CADPS: variants seen among roughly 807,000 people sequenced by gnomAD.
The protein encoded by CADPS is calcium dependent secretion activator.
Under a neutral mutation model 167.3 loss-of-function variants are expected in CADPS, and 57 were observed. The ratio of observed to expected loss-of-function variants is 0.34; its 90% CI spans 0.28 to 0.42. The LOEUF (loss-of-function observed/expected upper bound fraction) is 0.42. Ranked by LOEUF, CADPS falls within the 20% of genes least tolerant of loss-of-function variation. The pLI is 1.00. For missense variants in CADPS, 1,414 were observed against 1,738.1 expected (o/e 0.81, Z 3.32); for synonymous variants, 676 against 635.3 (o/e 1.06, Z -0.96).
chr3:62,827,786 A>G (rs1007757303), intron 1 of CADPS, among the ~76,000 whole-genome samples: 1 of 152,112 alleles, frequency 6.6e-6, no homozygotes, highest in Admixed American at 6.5e-5. Flanking sequence ...GAGATTACAG[A>G]TCTGTACAGT....
intron 28 of CADPS, among the ~76,000 whole-genome samples, chr3:62,431,022 G>A (rs1575922475): frequency 6.6e-6 from 1 of 152,104 alleles, no homozygotes; most frequent in African/African-American, 2.4e-5. Context: ...TAGTAGCCTG[G>A]CTGACATGCT....
At chr3:62,654,893 G>C (rs1292987525) in intron 4 of CADPS, among the ~76,000 whole-genome samples, 1 of 152,162 alleles carries the variant, frequency 6.6e-6, no homozygotes, top group Non-Finnish European at 1.5e-5. Context: ...TCAATTTTGA[G>C]AGACTGTCTT....
chr3:62,827,286 C>T (rs2074239023), intron 1 of CADPS, among the ~76,000 whole-genome samples: 1 of 152,156 alleles, frequency 6.6e-6, no homozygotes, highest in African/African-American at 2.4e-5. Context: ...GGCCACTTTT[C>T]AAGCAAAAGT....
chr3:62,532,444 G>A (rs1016513191), intron 13 of CADPS, among the ~76,000 whole-genome samples: 1 of 152,038 alleles, frequency 6.6e-6, no homozygotes, highest in African/African-American at 2.4e-5. Context: ...AAAAACAAAG[G>A]CAAATATTTA....
intron 18 of CADPS, among the ~76,000 whole-genome samples, chr3:62,495,957 T>C (rs891893494): frequency 6.6e-6 from 1 of 152,164 alleles, no homozygotes; most frequent in African/African-American, 2.4e-5. Flanking sequence ...TGTTTTTATT[T>C]TAGGTGGAGG....
chr3:62,696,661 A>G (rs2080340677), intron 3 of CADPS, among the ~76,000 whole-genome samples: 1 of 151,998 alleles, frequency 6.6e-6, no homozygotes, highest in African/African-American at 2.4e-5. Flanking sequence ...TTATCCTTTT[A>G]CCTTTGTAGT....
At chr3:62,567,190 A>G (rs2080374844) in intron 9 of CADPS, among the ~76,000 whole-genome samples, 1 of 152,100 alleles carries the variant, frequency 6.6e-6, no homozygotes, top group African/African-American at 2.4e-5. Flanking sequence ...CTCTCCCAAA[A>G]TAAGAGGTCA....
intron 3 of CADPS, among the ~76,000 whole-genome samples, chr3:62,743,854 G>C (rs1043351607): frequency 1.3e-5 from 2 of 152,006 alleles, no homozygotes; most frequent in Non-Finnish European, 2.9e-5. Flanking sequence ...AATTTTAGGG[G>C]AAAAAAGAGC....
intron 6 of CADPS, among the ~76,000 whole-genome samples, chr3:62,599,807 A>ATATAC (rs2059609177): frequency 6.3e-5 from 1 of 15,832 alleles, no homozygotes; most frequent in Non-Finnish European, 1.1e-4. Flanking sequence ...AATATATAAT[A>ATATAC]AATAATATAT....
At position 62,650,889 on chromosome 3, in the gene CADPS, G is replaced by T; in HGVS notation, c.1161C>A (p.Asn387Lys). The change falls in exon 5 of 30, where the codon AAC becomes AAA. Residue 387 changes from asparagine (N) to lysine (K), a missense_variant. Asn to Lys is a moderately conservative substitution (Grantham distance 94). Coordinates refer to ENST00000383710, the MANE Select transcript of CADPS (RefSeq NM_003716.4). ...SIIDMGEESE[N>K]QLSKSDVVLS... ...GCACGACATCTGACTTGGAGAGCTG[G>T]TTCTCACTCTCCTCGCCCATGTCGA... 7 of 1,614,012 alleles carry T rather than the reference G, an allele frequency of 4.3e-6. No individual in the cohort carries two copies. The highest frequency in any genetic ancestry group is 5.9e-6 in the Non-Finnish European group (7 of 1,179,964).
At chr3:62,417,358 C>G (rs2050332595) in intron 28 of CADPS, among the ~76,000 whole-genome samples, 2 of 133,486 alleles carry the variant, frequency 1.5e-5, no homozygotes, top group African/African-American at 5.7e-5. Context: ...AATCTCGGCT[C>G]ACTGCAGCCT....
At chr3:62,785,567 A>C (rs1047685693) in intron 1 of CADPS, among the ~76,000 whole-genome samples, 2 of 152,212 alleles carry the variant, frequency 1.3e-5, no homozygotes, top group African/African-American at 4.8e-5. Flanking sequence ...GTAATGTGAT[A>C]CTGTTAAAGA....
intron 3 of CADPS, among the ~76,000 whole-genome samples, chr3:62,735,593 A>G (rs1472228777): frequency 1.3e-5 from 2 of 152,146 alleles, no homozygotes; most frequent in African/African-American, 4.8e-5. Flanking sequence ...TGAATCCCTC[A>G]ACCCCTACAA....
chr3:62,547,691 T>C (rs1174980606), intron 11 of CADPS, among the ~76,000 whole-genome samples: 2 of 149,256 alleles, frequency 1.3e-5, no homozygotes, highest in African/African-American at 4.9e-5. Flanking sequence ...TCAAGCTGTG[T>C]GTATTCAATT....
chr3:62,863,586 T>C (rs1173238033), intron 1 of CADPS, among the ~76,000 whole-genome samples: 1 of 152,160 alleles, frequency 6.6e-6, no homozygotes, highest in African/African-American at 2.4e-5. Context: ...GTTAAGTGGC[T>C]TAATGGGCTG....
At chr3:62,754,648 C>T (rs534171809) in intron 2 of CADPS, among the ~76,000 whole-genome samples, 4 of 152,116 alleles carry the variant, frequency 2.6e-5, no homozygotes, top group Non-Finnish European at 5.9e-5. Flanking sequence ...GCCAATATGC[C>T]TCGATAATTT....
In CADPS at chr3:62,808,630, T is replaced by C. The variant is rs573203716; in HGVS notation, c.442-42646A>G. On this transcript the variant is annotated intron_variant, in intron 1 of 29. Coordinates refer to ENST00000383710, the MANE Select transcript of CADPS (RefSeq NM_003716.4). ...AATCCATGGTTTATTCCTCCTCCTC[T>C]GTTTGATGTCAAATGTTGGGGAGTG... Among the ~76,000 whole-genome samples, 4 of 152,262 alleles carry C rather than the reference T, an allele frequency of 2.6e-5. No homozygotes were observed. In the East Asian group the frequency reaches 7.7e-4, roughly 29 times the overall value.
chr3:62,826,955 C>T (rs573348821), intron 1 of CADPS, among the ~76,000 whole-genome samples: 34 of 152,210 alleles, frequency 2.2e-4, no homozygotes, highest in African/African-American at 7.2e-4. Flanking sequence ...TTCTGAGCTG[C>T]CAGACGGAAT....
At chr3:62,518,753 G>A (rs1027591055) in intron 13 of CADPS, among the ~76,000 whole-genome samples, 3 of 152,068 alleles carry the variant, frequency 2.0e-5, no homozygotes, top group East Asian at 1.9e-4. Context: ...CTTGGGTTTG[G>A]GGTCCCTGAA....
Sources: gnomAD v4.1 joint callset for allele counts (sites outside exome capture counted in the v4.1 genomes callset) on GRCh38, gnomAD v4.1.1 for gene constraint, MANE v1.5 for transcripts, NCBI Gene and HGNC (gene_info 2026-07-23, HGNC 2026-07-21) for gene names.